ENOX2: variants seen among roughly 807,000 people sequenced by gnomAD.
The protein encoded by ENOX2 is APK1 antigen.
ENOX2 carries 36 observed loss-of-function variants against 45.0 expected under a neutral mutation model. The ratio of observed to expected loss-of-function variants is 0.80; its 90% confidence interval spans 0.61 to 1.06. The LOEUF (loss-of-function observed/expected upper bound fraction) is 1.06. Ranked by LOEUF, ENOX2 falls within the 50% of genes least tolerant of loss-of-function variation. The probability of loss-of-function intolerance (pLI) is 0.00; values close to 1 mark genes in which losing one functional copy is unlikely to be tolerated. For missense variants in ENOX2, 423 were observed against 462.5 expected (o/e 0.91, Z 0.78); for synonymous variants, 174 against 152.3 (o/e 1.14, Z -1.05).
At chrX:130,824,831 T>C (rs895284128) in intron 2 of ENOX2, among the ~76,000 whole-genome samples, 1 of 111,819 alleles carries the variant, frequency 8.9e-6, no homozygotes. Flanking sequence ...CAGTGAGACA[T>C]TATTTCATAC....
At chrX:130,645,892 T>A in intron 10 of ENOX2, 1 of 675,562 alleles carries the variant, frequency 1.5e-6, no homozygotes, top group Non-Finnish European at 2.4e-6. Context: ...GATCAGCCCA[T>A]CCCGTGGAAA....
At chrX:130,768,700 G>C (rs1297286059) in intron 3 of ENOX2, among the ~76,000 whole-genome samples, 1 of 111,880 alleles carries the variant, frequency 8.9e-6, no homozygotes, top group East Asian at 2.8e-4. Context: ...GGCAGGGAAG[G>C]GGATAAAATT....
rs760637245 is a variant in ENOX2 at position 130,623,053 on chromosome X, G to C, written c.*2261C>G. On this transcript the variant is annotated 3_prime_UTR_variant, in exon 15 of 15. Coordinates refer to ENST00000394363, the MANE Select transcript of ENOX2 (RefSeq NM_006375.4). ...CCACCCACATTATAATGGGTAATCTGTTTTACTCAAAGTCTACTGGCTTAA... is the reference window on the plus strand; with the variant it reads ...CCACCCACATTATAATGGGTAATCTCTTTTACTCAAAGTCTACTGGCTTAA... 9.0e-6 allele frequency among the ~76,000 whole-genome samples: 1 copy of C among 111,506 alleles called. No homozygotes were observed. Among genetic ancestry groups the C allele is most frequent in the Non-Finnish European group, 1.9e-5 (1 of 53,195 alleles).
intron 3 of ENOX2, among the ~76,000 whole-genome samples, chrX:130,772,544 C>T (rs2039765903): frequency 8.9e-6 from 1 of 111,821 alleles, no homozygotes; most frequent in African/African-American, 3.3e-5. Flanking sequence ...GCAAATTCAG[C>T]ACTTAGTGTT....
At chrX:130,897,493 C>T (rs2079076955) in intron 2 of ENOX2, among the ~76,000 whole-genome samples, 1 of 112,101 alleles carries the variant, frequency 8.9e-6, no homozygotes, top group Non-Finnish European at 1.9e-5. Flanking sequence ...CTTTTCTTCT[C>T]GCTTTGATGT....
intron 2 of ENOX2, among the ~76,000 whole-genome samples, chrX:130,825,532 T>C (rs1218775377): frequency 2.7e-5 from 3 of 111,988 alleles, no homozygotes; most frequent in Non-Finnish European, 3.8e-5. Flanking sequence ...AACTGTACGG[T>C]AGTTCTCCCT....
intron 10 of ENOX2, among the ~76,000 whole-genome samples, chrX:130,643,161 G>T (rs768002364): frequency 1.7e-4 from 19 of 110,669 alleles, no homozygotes; most frequent in Middle Eastern, 4.6e-3. Context: ...ATAATCTAGG[G>T]AAACCATTAA....
chrX:130,631,769 C>G (rs751401255), intron 12 of ENOX2, among the ~76,000 whole-genome samples, 193 bp from the exon 13 acceptor site: 4 of 109,079 alleles, frequency 3.7e-5, no homozygotes, highest in Non-Finnish European at 7.6e-5. Flanking sequence ...TATAGGGCTC[C>G]AAAACACAGA....
At chrX:130,670,297 G>C in intron 6 of ENOX2, 99 bp from the exon 7 acceptor site, 1 of 592,092 alleles carries the variant, frequency 1.7e-6, no homozygotes, top group Admixed American at 2.9e-5. Flanking sequence ...AGACATGAAA[G>C]ACTATACATA....
chrX:130,820,603 T>C (rs1346368314), intron 2 of ENOX2, among the ~76,000 whole-genome samples: 1 of 112,513 alleles, frequency 8.9e-6, no homozygotes, highest in Non-Finnish European at 1.9e-5. Context: ...AAGGAAAATA[T>C]ATACAAAAGA....
intron 6 of ENOX2, among the ~76,000 whole-genome samples, chrX:130,678,264 C>A (rs1371146941): frequency 1.8e-5 from 2 of 111,288 alleles, no homozygotes. Context: ...CTGGGTTAGA[C>A]TAATATTACA....
intron 3 of ENOX2, among the ~76,000 whole-genome samples, chrX:130,754,875 G>T (rs2039317500): frequency 9.0e-6 from 1 of 111,621 alleles, no homozygotes; most frequent in South Asian, 3.8e-4. Flanking sequence ...ACCTGTACCT[G>T]TACCCTTGAA....
chrX:130,835,785 C>G (rs971567639), intron 2 of ENOX2, among the ~76,000 whole-genome samples: 1 of 111,259 alleles, frequency 9.0e-6, no homozygotes, highest in African/African-American at 3.3e-5. Context: ...TTAGCTCTAC[C>G]ATTCTATTAC....
chrX:130,845,218 A>G (rs995302508), intron 2 of ENOX2, among the ~76,000 whole-genome samples: 5 of 112,207 alleles, frequency 4.5e-5, no homozygotes, highest in African/African-American at 1.6e-4. Context: ...TCTACATATC[A>G]TGGTAAGAGT....
chrX:130,842,018 T>G (rs935775040), intron 2 of ENOX2, among the ~76,000 whole-genome samples: 1 of 112,541 alleles, frequency 8.9e-6, no homozygotes, highest in Non-Finnish European at 1.9e-5. Context: ...GAAAAATCTA[T>G]GACAAAGCTT....
intron 2 of ENOX2, among the ~76,000 whole-genome samples, chrX:130,873,200 G>GA (rs1204391229): frequency 9.1e-5 from 10 of 110,148 alleles, no homozygotes; most frequent in Non-Finnish European, 1.9e-4. Context: ...AAATTTACAG[G>GA]AAAAAAAACA....
intron 2 of ENOX2, among the ~76,000 whole-genome samples, chrX:130,814,276 C>T (rs1371450431): frequency 4.5e-5 from 5 of 112,250 alleles, no homozygotes; most frequent in African/African-American, 6.5e-5. Context: ...CCCATCTCCC[C>T]GGGACAGAGC....
At chrX:130,827,202 T>C (rs1331692534) in intron 2 of ENOX2, among the ~76,000 whole-genome samples, 2 of 111,862 alleles carry the variant, frequency 1.8e-5, no homozygotes, top group South Asian at 7.3e-4. Context: ...ATTCACAAGG[T>C]CTGAAAAGCC....
chrX:130,720,352 G>A (rs1009045182), intron 3 of ENOX2, among the ~76,000 whole-genome samples: 1 of 112,475 alleles, frequency 8.9e-6, no homozygotes, highest in Non-Finnish European at 1.9e-5. Context: ...AGCCCTCCTG[G>A]CCCATCAAAG....
Sources: gnomAD v4.1 joint callset for allele counts (sites outside exome capture counted in the v4.1 genomes callset) on GRCh38, gnomAD v4.1.1 for gene constraint, MANE v1.5 for transcripts, NCBI Gene and HGNC (gene_info 2026-07-23, HGNC 2026-07-21) for gene names.